RGS9: variants seen among roughly 807,000 people sequenced by gnomAD.
RGS9 encodes regulator of G protein signaling 9, also known as regulator of G-protein signalling 9.
Under a neutral mutation model 102.0 loss-of-function variants are expected in RGS9, and 78 were observed. That is an observed-to-expected ratio of 0.76 (90% CI 0.64 to 0.92). The LOEUF is 0.92. Ranked by LOEUF, RGS9 falls within the 40% of genes least tolerant of loss-of-function variation. The pLI, the probability that RGS9 is intolerant of heterozygous loss-of-function variation, is 0.00. For synonymous variants in RGS9, 353 were observed against 318.6 expected, an observed-to-expected ratio of 1.11 and a Z score of -1.15; for missense variants, 833 against 866.1, an observed-to-expected ratio of 0.96 and a Z score of 0.48.
intron 17 of RGS9, among the ~76,000 whole-genome samples, chr17:65,219,307 G>A (rs545950462): frequency 1.3e-5 from 2 of 152,318 alleles, no homozygotes; most frequent in East Asian, 3.9e-4. Flanking sequence ...GTAGTGAAGG[G>A]ACTGCAGGTT....
chr17:65,159,729 T>C (rs1216251524), intron 3 of RGS9, among the ~76,000 whole-genome samples: 1 of 152,062 alleles, frequency 6.6e-6, no homozygotes, highest in East Asian at 1.9e-4. Flanking sequence ...GGAATTAAAG[T>C]GAAGTGGGAA....
intron 17 of RGS9, among the ~76,000 whole-genome samples, chr17:65,212,078 C>A (rs1913327789): frequency 6.6e-6 from 1 of 152,190 alleles, no homozygotes; most frequent in Non-Finnish European, 1.5e-5. Context: ...TAGGCAGAAT[C>A]CCATGCTGAA....
At chr17:65,163,146 CTTT>C (rs1256198282) in intron 7 of RGS9, 57 bp downstream of exon 7, 8 of 773,528 alleles carry the variant, frequency 1.0e-5, no homozygotes, top group Non-Finnish European at 6.2e-6. Flanking sequence ...TCTCTTCCTT[CTTT>C]GTTTCTTTTT....
chr17:65,207,837 G>A, intron 15 of RGS9, 85 bp from the exon 16 acceptor site: 1 of 937,178 alleles, frequency 1.1e-6, no homozygotes, highest in South Asian at 1.4e-5. Context: ...CTACTGCCAA[G>A]GGAGGCTTGA....
At chr17:65,210,676 G>T in intron 17 of RGS9, 71 bp downstream of exon 17, 4 of 1,601,192 alleles carry the variant, frequency 2.5e-6, no homozygotes, top group Non-Finnish European at 1.7e-6. Context: ...TGTGATTCCT[G>T]GGGGTGGGGT....
At chr17:65,177,218 T>C (rs1911675962) in intron 8 of RGS9, among the ~76,000 whole-genome samples, 1 of 147,170 alleles carries the variant, frequency 6.8e-6, no homozygotes, top group African/African-American at 2.6e-5. Flanking sequence ...ACCATCCACC[T>C]ACCACCCATT....
chr17:65,210,487 G>C lies in RGS9; in HGVS notation c.1290-1G>C, dbSNP rs770876190. 1.9e-6 allele frequency: 3 copies of C among 1,613,066 alleles called. No homozygotes were observed. The South Asian group carries it at 3.3e-5, about 18-fold the overall frequency. On this transcript the variant is annotated splice_acceptor_variant, in intron 16 of 18. Transcript: ENST00000262406. LOFTEE classifies it high-confidence loss of function. Reference sequence around the variant, plus strand: ...AACCACCAATCTGTCCTTCCTTCCAGCTCCACCCTCCCTTTTATGCGGCGT... The same window carrying C: ...AACCACCAATCTGTCCTTCCTTCCACCTCCACCCTCCCTTTTATGCGGCGT...
chr17:65,166,032 T>C (rs1275909863), intron 7 of RGS9, among the ~76,000 whole-genome samples: 1 of 152,182 alleles, frequency 6.6e-6, no homozygotes, highest in Non-Finnish European at 1.5e-5. Context: ...TGGCTGGCAT[T>C]TCCTACTCTC....
At chr17:65,196,460 A>G (rs1354643847) in intron 12 of RGS9, among the ~76,000 whole-genome samples, 1 of 152,186 alleles carries the variant, frequency 6.6e-6, no homozygotes, top group Non-Finnish European at 1.5e-5. Flanking sequence ...TCTTTTTCTG[A>G]TTCTCTGGAA....
intron 6 of RGS9, among the ~76,000 whole-genome samples, chr17:65,162,555 C>T (rs1911023708): frequency 6.6e-6 from 1 of 151,968 alleles, no homozygotes; most frequent in Admixed American, 6.6e-5. Flanking sequence ...CTCTGCCTCC[C>T]AGGTTCATGC....
intron 16 of RGS9, 112 bp from the exon 17 acceptor site, chr17:65,210,376 A>G: frequency 7.5e-7 from 1 of 1,333,310 alleles, no homozygotes; most frequent in Non-Finnish European, 1.1e-6. Flanking sequence ...AAAGGAGGGA[A>G]CAAAATATAG....
At chr17:65,157,033 A>G (rs1257017604) in intron 2 of RGS9, among the ~76,000 whole-genome samples, 4 of 152,202 alleles carry the variant, frequency 2.6e-5, no homozygotes, top group Non-Finnish European at 5.9e-5. Context: ...TAGGCAGGCA[A>G]TTACGCCCAG....
At chr17:65,183,892 G>A (rs7208808) in intron 9 of RGS9, among the ~76,000 whole-genome samples, 2,732 of 152,278 alleles carry the variant, frequency 0.018, 76 homozygotes, top group African/African-American at 0.062. Context: ...CCAGTCAGCC[G>A]GCCCAGAGCT....
Position 65,225,446 on chromosome 17 carries a change from G to A in RGS9, c.1852G>A (p.Gly618Ser). ...HGRVQPLGDV[G>S]QQLPRLKSKR... ...GAGGGTGCAGCCCCTGGGGGACGTG[G>A]GCCAGCAGCTGCCACGATTGAAATC... The change falls in exon 18 of 19, where the codon GGC becomes AGC. Residue 618 changes from glycine (G) to serine (S), a missense_variant. Gly to Ser is a moderately conservative substitution (Grantham distance 56). Coordinates refer to ENST00000262406, the MANE Select transcript of RGS9 (RefSeq NM_003835.4). The A allele has an allele frequency of 6.2e-7, 1 of 1,607,052 alleles. No homozygotes were observed. The highest frequency in any genetic ancestry group is 8.5e-7 in the Non-Finnish European group (1 of 1,179,996).
intron 6 of RGS9, among the ~76,000 whole-genome samples, chr17:65,161,938 T>G (rs1039426224): frequency 6.6e-6 from 1 of 151,846 alleles, no homozygotes; most frequent in African/African-American, 2.4e-5. Flanking sequence ...GCTCAAGTGA[T>G]CCATCCACCT....
intron 9 of RGS9, among the ~76,000 whole-genome samples, chr17:65,186,490 A>T (rs1271083837): frequency 6.6e-6 from 1 of 152,176 alleles, no homozygotes; most frequent in East Asian, 1.9e-4. Context: ...GGCGTGAGCC[A>T]CCGAACCCGG....
intron 12 of RGS9, 56 bp from the exon 13 acceptor site, chr17:65,197,070 G>A: frequency 1.5e-6 from 2 of 1,301,934 alleles, no homozygotes; most frequent in Non-Finnish European, 2.2e-6. Flanking sequence ...CCCAACCCAG[G>A]CCACCACCTG....
intron 6 of RGS9, among the ~76,000 whole-genome samples, chr17:65,162,176 G>A (rs1260004596): frequency 6.6e-6 from 1 of 151,916 alleles, no homozygotes; most frequent in East Asian, 2.0e-4. Flanking sequence ...AGGATCACTC[G>A]AGGCCAGGAG....
chr17:65,201,580 A>G (rs1178071660), intron 13 of RGS9, among the ~76,000 whole-genome samples: 1 of 152,236 alleles, frequency 6.6e-6, no homozygotes, highest in Non-Finnish European at 1.5e-5. Flanking sequence ...GAGCTCGTTC[A>G]AGCAATATTT....
Sources: allele counts gnomAD v4.1 joint callset (sites outside exome capture counted in the v4.1 genomes callset), GRCh38; gene constraint gnomAD v4.1.1; transcripts MANE v1.5; gene names NCBI Gene and HGNC (gene_info 2026-07-23, HGNC 2026-07-21).